SLC45A4: variants seen among roughly 807,000 people sequenced by gnomAD.
SLC45A4 encodes the protein polyamine-transporter SLC45A4.
In SLC45A4, 32 loss-of-function variants were observed where a neutral mutation model predicts 63.7. That is an observed-to-expected ratio of 0.50 (90% CI 0.38 to 0.67). The LOEUF is 0.67. Ranked by LOEUF, SLC45A4 falls within the 30% of genes least tolerant of loss-of-function variation. The pLI is 0.00. For synonymous variants in SLC45A4, 535 were observed against 510.0 expected (o/e 1.05, Z -0.66); for missense variants, 1,027 against 1,157.7 (o/e 0.89, Z 1.64).
chr8:141,244,084 C>T (rs1269927541), intron 2 of SLC45A4, among the ~76,000 whole-genome samples: 1 of 152,168 alleles, frequency 6.6e-6, no homozygotes, highest in African/African-American at 2.4e-5. Flanking sequence ...CCCAACTGCC[C>T]TCCCAATCAA....
At chr8:141,244,119 C>T (rs1171619817) in intron 2 of SLC45A4, among the ~76,000 whole-genome samples, 3 of 152,152 alleles carry the variant, frequency 2.0e-5, no homozygotes, top group Non-Finnish European at 2.9e-5. Flanking sequence ...AGACTGCGCC[C>T]CTATTCTTCA....
intron 1 of SLC45A4, among the ~76,000 whole-genome samples, chr8:141,269,398 A>G (rs1829419968): frequency 6.6e-6 from 1 of 152,158 alleles, no homozygotes; most frequent in African/African-American, 2.4e-5. Flanking sequence ...GCTTGCTGTG[A>G]ATCTGCAGCG....
chr8:141,218,320 G>C lies in SLC45A4; in HGVS notation c.1320C>G (p.Tyr440Ter). The C allele has an allele frequency of 6.2e-7, 1 of 1,607,330 alleles. No individual in the cohort carries two copies. Among genetic ancestry groups the C allele is most frequent in the East Asian group, 2.2e-5 (1 of 44,858 alleles). ...YGKLGSHCYR[Y>*]RRANAVVLIK... is the part of the protein sequence containing the mutation. ...TCAGCACCACGGCGTTGGCGCGCCG[G>C]TAGCGGTAGCAGTGGGACCCAAGCT... The change falls in exon 5 of 9, where the codon TAC (tyrosine) becomes TAG (stop). Residue 440 changes from tyrosine to a stop codon, truncating the protein, a stop_gained. Transcript: ENST00000517878. LOFTEE classifies it high-confidence loss of function.
At chr8:141,211,895 C>T (rs1176899938) in intron 8 of SLC45A4, 198 bp from the exon 9 acceptor site, 2 of 1,248,872 alleles carry the variant, frequency 1.6e-6, no homozygotes, top group East Asian at 3.1e-5. Context: ...CAGAATAATA[C>T]ACCTGCAGAA....
At chr8:141,225,357 A>G (rs1433358816) in intron 2 of SLC45A4, 1 of 152,208 alleles carries the variant, frequency 6.6e-6, no homozygotes, top group Non-Finnish European at 1.5e-5. Context: ...GTTCTTCAAG[A>G]AAGGCAGAGT....
At chr8:141,217,574 C>T (rs1052194383) in intron 5 of SLC45A4, among the ~76,000 whole-genome samples, 4 of 152,192 alleles carry the variant, frequency 2.6e-5, no homozygotes, top group African/African-American at 9.7e-5. Context: ...ACAGGAGGCC[C>T]GAGCGTGTGC....
intron 1 of SLC45A4, among the ~76,000 whole-genome samples, chr8:141,266,243 G>A (rs746179914): frequency 6.6e-6 from 1 of 152,184 alleles, no homozygotes; most frequent in Non-Finnish European, 1.5e-5. Context: ...CCCTACACAC[G>A]AAGCGCATGT....
chr8:141,207,527 A>C lies in SLC45A4; in HGVS notation c.*4045T>G, dbSNP rs1475076765. ...CAGCAAGCGCGATTACAGTGCTCCA[A>C]CTTAATAAGTTGATAAAAAGCTGTC... On this transcript the variant is annotated 3_prime_UTR_variant, in exon 9 of 9. Coordinates refer to ENST00000517878, the MANE Select transcript of SLC45A4 (RefSeq NM_001286646.2). 1 of 152,240 alleles carries C rather than the reference A, an allele frequency of 6.6e-6. No individual in the cohort carries two copies. The highest frequency in any genetic ancestry group is 1.5e-5 in the Non-Finnish European group (1 of 68,030). 9.4% of individuals were successfully genotyped at this position (152,240 alleles called of 1,614,324 possible). A position where few individuals can be genotyped will look rare whatever the true frequency, so the allele number is the denominator to read the frequency against.
intron 1 of SLC45A4, among the ~76,000 whole-genome samples, chr8:141,265,025 G>A (rs1829205305): frequency 6.6e-6 from 1 of 152,106 alleles, no homozygotes; most frequent in Non-Finnish European, 1.5e-5. Flanking sequence ...TTCTTTTGTT[G>A]TCTGAGCGAG....
intron 1 of SLC45A4, among the ~76,000 whole-genome samples, chr8:141,296,625 T>TA (rs1291007509): frequency 6.7e-6 from 1 of 149,006 alleles, no homozygotes; most frequent in Non-Finnish European, 1.5e-5. Context: ...CACCTGAGGT[T>TA]AGGAATTCAA....
At position 141,236,487 on chromosome 8, in the gene SLC45A4, C is replaced by T. The variant is rs1443432269; in HGVS notation, c.242-14722G>A. 2.0e-5 allele frequency among the ~76,000 whole-genome samples: 3 copies of T among 152,332 alleles called. No homozygotes were observed. The South Asian group carries it at 6.2e-4, about 32-fold the overall frequency. ...ATACGTCTGCACATCCAAGTCCATGCTTCACTTTAAAAAGGGGGCAAACAA... is the reference window on the plus strand; with the variant it reads ...ATACGTCTGCACATCCAAGTCCATGTTTCACTTTAAAAAGGGGGCAAACAA... On this transcript the variant is annotated intron_variant, in intron 2 of 8. Transcript: ENST00000517878.
chr8:141,219,114 G>A (rs1277420376), intron 4 of SLC45A4, 85 bp from the exon 5 acceptor site: 1 of 1,487,674 alleles, frequency 6.7e-7, no homozygotes, highest in Non-Finnish European at 9.1e-7. Context: ...CCCTCTAACA[G>A]GGGGCCGGGG....
At chr8:141,228,487 C>T in intron 2 of SLC45A4, 1 of 1,336,144 alleles carries the variant, frequency 7.5e-7, no homozygotes, top group Non-Finnish European at 9.7e-7. Context: ...GGGCACCTGT[C>T]TTCACTGGCA....
intron 1 of SLC45A4, among the ~76,000 whole-genome samples, chr8:141,291,820 G>C (rs2154615296): frequency 6.6e-6 from 1 of 152,320 alleles, no homozygotes; most frequent in Admixed American, 6.5e-5. Flanking sequence ...ATTTTGAAAA[G>C]TAACCCAGGA....
chr8:141,261,982 G>T (rs889904141), intron 1 of SLC45A4, among the ~76,000 whole-genome samples: 2 of 152,254 alleles, frequency 1.3e-5, no homozygotes, highest in Non-Finnish European at 2.9e-5. Flanking sequence ...CAAGGCTACA[G>T]TAACCAAAAC....
chr8:141,254,139 C>T lies in SLC45A4; in HGVS notation c.91G>A (p.Ala31Thr), dbSNP rs1053882600. The change falls in exon 2 of 9, where the codon GCA becomes ACA. Residue 31 changes from alanine (A) to threonine (T), a missense_variant. By Grantham distance (58) the Ala-to-Thr change is moderately conservative. Coordinates refer to ENST00000517878, the MANE Select transcript of SLC45A4 (RefSeq NM_001286646.2). The surrounding 1 kb of genome is among the most constrained non-coding windows in gnomAD (Gnocchi z 4.5). ...PLPDPQKAGGAEAENCETISE... is the reference protein window; with the variant it reads ...PLPDPQKAGGTEAENCETISE... ...ATGGTCTCGCAGTTCTCGGCCTCTGCGCCTCCGGCTTTCTGCGGGTCCGGC... is the reference window on the plus strand; with the variant it reads ...ATGGTCTCGCAGTTCTCGGCCTCTGTGCCTCCGGCTTTCTGCGGGTCCGGC... 1.1e-5 allele frequency: 17 copies of T among 1,536,080 alleles called. No homozygotes were observed. The highest frequency in any genetic ancestry group is 5.9e-5 in the Admixed American group (3 of 50,992).
chr8:141,273,817 C>G (rs1829627648), intron 1 of SLC45A4, among the ~76,000 whole-genome samples: 1 of 152,174 alleles, frequency 6.6e-6, no homozygotes, highest in Non-Finnish European at 1.5e-5. Flanking sequence ...GGCTAACTGT[C>G]CAATGATACG....
At chr8:141,290,250 C>G (rs772906501) in intron 1 of SLC45A4, among the ~76,000 whole-genome samples, 1 of 152,012 alleles carries the variant, frequency 6.6e-6, no homozygotes, top group Non-Finnish European at 1.5e-5. Flanking sequence ...GCTCACCACA[C>G]GTGCAGGTAT....
intron 1 of SLC45A4, among the ~76,000 whole-genome samples, chr8:141,299,293 A>T (rs1250078375): frequency 6.6e-6 from 1 of 152,248 alleles, no homozygotes; most frequent in Non-Finnish European, 1.5e-5. Flanking sequence ...GAGAAAGCGG[A>T]CGGGGAGCCC....
Sources: allele counts gnomAD v4.1 joint callset (sites outside exome capture counted in the v4.1 genomes callset), GRCh38; gene constraint gnomAD v4.1.1; non-coding constraint Gnocchi (gnomAD v3.1); transcripts MANE v1.5; gene names NCBI Gene and HGNC (gene_info 2026-07-23, HGNC 2026-07-21).